The following CADM1 variants were observed in gnomAD, a reference collection of about 807,000 sequenced individuals.
The protein encoded by CADM1 is cell adhesion molecule 1.
A neutral mutation model predicts 53.1 loss-of-function variants in CADM1; 15 were observed. The observed-to-expected ratio is 0.28, with a 90% confidence interval of 0.19 to 0.44. CADM1 has a LOEUF of 0.44. CADM1 is among the 20% of genes least tolerant of loss of function. CADM1 has a pLI of 1.00. For missense variants in CADM1, 434 were observed against 611.3 expected (o/e 0.71, Z 3.06); for synonymous variants, 281 against 243.0 (o/e 1.16, Z -1.45).
At chr11:115,473,351 C>A (rs1026009943) in intron 1 of CADM1, among the ~76,000 whole-genome samples, 1 of 152,000 alleles carries the variant, frequency 6.6e-6, no homozygotes, top group African/African-American at 2.4e-5. Flanking sequence ...CCCAGCTACT[C>A]GGGAGGCAAA....
chr11:115,454,080 A>T (rs1196782917), intron 1 of CADM1, among the ~76,000 whole-genome samples: 2 of 152,086 alleles, frequency 1.3e-5, no homozygotes, highest in Non-Finnish European at 2.9e-5. Context: ...CAAAAAAAAA[A>T]CAAAGCCTTG....
intron 1 of CADM1, among the ~76,000 whole-genome samples, chr11:115,431,537 C>T (rs1391249724): frequency 2.0e-5 from 3 of 152,146 alleles, no homozygotes; most frequent in East Asian, 3.9e-4. Flanking sequence ...GCTTCAGACC[C>T]TCAAAGGCTT....
chr11:115,400,563 T>TAA (rs1234146318), intron 1 of CADM1, among the ~76,000 whole-genome samples: 1 of 136,442 alleles, frequency 7.3e-6, no homozygotes, highest in Non-Finnish European at 1.5e-5. Flanking sequence ...ATGGTGGTGA[T>TAA]ATATATATAT....
Position 115,173,586 on chromosome 11 carries a change from C to G in CADM1, c.*2888G>C, listed in dbSNP as rs765349555. On this transcript the variant is annotated 3_prime_UTR_variant, in exon 12 of 12. Coordinates refer to ENST00000331581, the MANE Select transcript of CADM1 (RefSeq NM_001301043.2). The stretch of plus-strand genomic sequence containing the variant: ...CCAGAGGCCCATCTCTTCTCTCACT[C>G]GGAGGCGTCCATAAGAAGTCCATAA... 9.6e-6 allele frequency: 2 copies of G among 207,464 alleles called. No homozygotes were observed. The highest frequency in any genetic ancestry group is 1.7e-5 in the Non-Finnish European group (2 of 118,672). 12.9% of individuals were successfully genotyped at this position (207,464 alleles called of 1,614,324 possible). A position where few individuals can be genotyped will look rare whatever the true frequency, so the allele number is the denominator to read the frequency against.
intron 1 of CADM1, among the ~76,000 whole-genome samples, chr11:115,340,658 A>ATATATAT (rs60532835): frequency 1.2e-3 from 42 of 34,930 alleles, no homozygotes; most frequent in East Asian, 4.4e-3. Flanking sequence ...ATATATATAT[A>ATATATAT]TTTTTTTTTT....
At chr11:115,296,816 T>C (rs1020609734) in intron 1 of CADM1, among the ~76,000 whole-genome samples, 21 of 152,060 alleles carry the variant, frequency 1.4e-4, no homozygotes, top group Admixed American at 1.3e-3. Context: ...ATGTTTCTCT[T>C]ATAATTAATC....
chr11:115,189,626 C>T (rs1051994048), intron 10 of CADM1, among the ~76,000 whole-genome samples: 8 of 152,210 alleles, frequency 5.3e-5, no homozygotes, highest in African/African-American at 1.9e-4. Context: ...TCTCCAACTA[C>T]ACCACAAAGA....
At chr11:115,426,830 C>A (rs1947905961) in intron 1 of CADM1, among the ~76,000 whole-genome samples, 1 of 152,066 alleles carries the variant, frequency 6.6e-6, no homozygotes, top group Non-Finnish European at 1.5e-5. Flanking sequence ...CAGGGATGAA[C>A]TAAGATGAAG....
At chr11:115,302,968 A>C (rs1944270934) in intron 1 of CADM1, among the ~76,000 whole-genome samples, 1 of 152,080 alleles carries the variant, frequency 6.6e-6, no homozygotes, top group Non-Finnish European at 1.5e-5. Context: ...AGGAAAGAAA[A>C]AGAGCAGCTA....
chr11:115,298,955 ACT>A (rs528913189), intron 1 of CADM1, among the ~76,000 whole-genome samples: 1 of 152,042 alleles, frequency 6.6e-6, no homozygotes, highest in African/African-American at 2.4e-5. Context: ...GCCAGGTCAG[ACT>A]CTCTCGGAAT....
At chr11:115,193,732 G>C (rs1940008395) in intron 9 of CADM1, 1 of 151,570 alleles carries the variant, frequency 6.6e-6, no homozygotes, top group Non-Finnish European at 1.5e-5. Context: ...AGAAAATTTT[G>C]AAATAGAATG....
chr11:115,473,181 G>T (rs1468125718), intron 1 of CADM1, among the ~76,000 whole-genome samples: 1 of 152,184 alleles, frequency 6.6e-6, no homozygotes, highest in Non-Finnish European at 1.5e-5. Flanking sequence ...TAAGCAGGCC[G>T]GGCATGATGG....
At chr11:115,440,331 G>A (rs1343662422) in intron 1 of CADM1, among the ~76,000 whole-genome samples, 4 of 152,136 alleles carry the variant, frequency 2.6e-5, no homozygotes, top group East Asian at 1.9e-4. Context: ...ATTCCCACTC[G>A]ATGCTAAGCT....
intron 1 of CADM1, among the ~76,000 whole-genome samples, chr11:115,282,189 C>A (rs543308012): frequency 6.6e-6 from 1 of 152,044 alleles, no homozygotes; most frequent in Non-Finnish European, 1.5e-5. Context: ...TTTTTGCTAT[C>A]GTCACAGTAA....
intron 1 of CADM1, among the ~76,000 whole-genome samples, chr11:115,332,592 A>G (rs893348207): frequency 2.0e-5 from 3 of 152,096 alleles, no homozygotes; most frequent in Non-Finnish European, 2.9e-5. Context: ...AGAAGTATGT[A>G]AAGTTGGAAT....
chr11:115,396,548 G>A (rs1346282318), intron 1 of CADM1, among the ~76,000 whole-genome samples: 2 of 152,166 alleles, frequency 1.3e-5, no homozygotes, highest in Non-Finnish European at 2.9e-5. Flanking sequence ...AGCACATAAA[G>A]GTGAAGGGAA....
At chr11:115,463,201 T>G (rs954267251) in intron 1 of CADM1, among the ~76,000 whole-genome samples, 1 of 152,192 alleles carries the variant, frequency 6.6e-6, no homozygotes, top group Non-Finnish European at 1.5e-5. Context: ...GACCCCACTC[T>G]GGAAGCCCTC....
intron 11 of CADM1, among the ~76,000 whole-genome samples, chr11:115,178,427 G>C (rs1320552441): frequency 6.6e-6 from 1 of 151,526 alleles, no homozygotes; most frequent in Non-Finnish European, 1.5e-5. Context: ...AAATCAAGGA[G>C]TGCTACTCAT....
chr11:115,197,492 A>G (rs769367576), intron 9 of CADM1, among the ~76,000 whole-genome samples: 2 of 152,168 alleles, frequency 1.3e-5, no homozygotes, highest in Admixed American at 6.5e-5. Context: ...ATTTGAGCTA[A>G]GTAATAAAGT....
Sources: allele counts gnomAD v4.1 joint callset (sites outside exome capture counted in the v4.1 genomes callset), GRCh38; gene constraint gnomAD v4.1.1; transcripts MANE v1.5; gene names NCBI Gene and HGNC (gene_info 2026-07-23, HGNC 2026-07-21).